PTPRD: variants seen among roughly 807,000 people sequenced by gnomAD.
PTPRD encodes protein tyrosine phosphatase receptor type D.
Under a neutral mutation model 214.5 loss-of-function variants are expected in PTPRD, and 34 were observed. The observed-to-expected ratio is 0.16, with a 90% CI of 0.12 to 0.21. PTPRD has a LOEUF of 0.21. Among genes scored for constraint, PTPRD ranks in the 10% least tolerant of loss-of-function variants. The pLI is 1.00. For missense variants in PTPRD, 2,545 were observed against 2,398.7 expected (o/e 1.06, Z -1.27); for synonymous variants, 1,128 against 845.7 (o/e 1.33, Z -5.79).
chr9:10,402,566 C>G (rs1484670550), intron 2 of PTPRD, among the ~76,000 whole-genome samples: 1 of 151,658 alleles, frequency 6.6e-6, no homozygotes, highest in African/African-American at 2.4e-5. Context: ...TTATTAACTA[C>G]AGTATACATG....
At chr9:8,941,030 G>A (rs779711780) in intron 11 of PTPRD, among the ~76,000 whole-genome samples, 3 of 152,068 alleles carry the variant, frequency 2.0e-5, no homozygotes, top group East Asian at 1.9e-4. Flanking sequence ...TCATGGCACA[G>A]CAGTAATAAC....
At chr9:10,103,639 G>A (rs1000883606) in intron 3 of PTPRD, among the ~76,000 whole-genome samples, 2 of 151,182 alleles carry the variant, frequency 1.3e-5, no homozygotes, top group Non-Finnish European at 3.0e-5. Context: ...AGGTCTGAGG[G>A]TTCATTGTCT....
At chr9:9,951,431 T>C (rs1003549824) in intron 4 of PTPRD, among the ~76,000 whole-genome samples, 2 of 152,202 alleles carry the variant, frequency 1.3e-5, no homozygotes, top group African/African-American at 2.4e-5. Flanking sequence ...ATGGCTCTTA[T>C]TGAAAAAATG....
intron 35 of PTPRD, among the ~76,000 whole-genome samples, chr9:8,429,593 G>C (rs2094912597): frequency 6.6e-6 from 1 of 152,126 alleles, no homozygotes; most frequent in Non-Finnish European, 1.5e-5. Flanking sequence ...CAGAAGGACA[G>C]GGCTCTGATA....
At chr9:8,715,592 A>G (rs141104431) in intron 12 of PTPRD, among the ~76,000 whole-genome samples, 147 of 152,318 alleles carry the variant, frequency 9.7e-4, no homozygotes, top group African/African-American at 3.4e-3. Context: ...TCTTCCCACC[A>G]CACCATATTT....
At chr9:9,864,593 A>T (rs1419558637) in intron 5 of PTPRD, among the ~76,000 whole-genome samples, 2 of 152,154 alleles carry the variant, frequency 1.3e-5, no homozygotes, top group African/African-American at 2.4e-5. Context: ...AACATGGCTC[A>T]CTGCAGCCTC....
intron 8 of PTPRD, among the ~76,000 whole-genome samples, chr9:9,433,438 C>T (rs2083996114): frequency 6.6e-6 from 1 of 152,140 alleles, no homozygotes; most frequent in Non-Finnish European, 1.5e-5. Flanking sequence ...AAGGCTTATA[C>T]ATGTAGGTCA....
intron 12 of PTPRD, among the ~76,000 whole-genome samples, chr9:8,689,968 C>T (rs2097769157): frequency 6.6e-6 from 1 of 151,918 alleles, no homozygotes; most frequent in Admixed American, 6.6e-5. Flanking sequence ...ATTAGCTGGG[C>T]ACAGTGGCAT....
chr9:9,827,322 G>T (rs567521991), intron 5 of PTPRD, among the ~76,000 whole-genome samples: 26 of 152,022 alleles, frequency 1.7e-4, no homozygotes, highest in Non-Finnish European at 2.8e-4. Context: ...TAGACCAATG[G>T]AACAGAACAG....
chr9:9,600,598 C>A (rs942033656), intron 7 of PTPRD, among the ~76,000 whole-genome samples: 3 of 152,048 alleles, frequency 2.0e-5, no homozygotes, highest in Admixed American at 2.0e-4. Flanking sequence ...TCTGTCAGCC[C>A]TATCTGACAA....
intron 5 of PTPRD, among the ~76,000 whole-genome samples, chr9:9,937,336 A>T (rs953593930): frequency 6.7e-6 from 1 of 149,722 alleles, no homozygotes; most frequent in Non-Finnish European, 1.5e-5. Context: ...ATTTTAATCC[A>T]ATTTCTAAAA....
chr9:10,344,032 A>T (rs902228569), intron 2 of PTPRD, among the ~76,000 whole-genome samples: 1 of 89,922 alleles, frequency 1.1e-5, no homozygotes, highest in African/African-American at 4.6e-5. Flanking sequence ...CTTTAGTTTA[A>T]TTAGATCCCA....
At chr9:8,698,730 G>A (rs753444056) in intron 12 of PTPRD, among the ~76,000 whole-genome samples, 4 of 152,056 alleles carry the variant, frequency 2.6e-5, no homozygotes, top group South Asian at 2.1e-4. Context: ...GAAATACTCC[G>A]GCATAATACA....
chr9:9,418,107 A>G (rs1223742617), intron 8 of PTPRD, among the ~76,000 whole-genome samples: 1 of 152,006 alleles, frequency 6.6e-6, no homozygotes, highest in Non-Finnish European at 1.5e-5. Flanking sequence ...TTCAACTTCA[A>G]TCCACATACA....
intron 7 of PTPRD, among the ~76,000 whole-genome samples, chr9:9,669,178 C>G (rs1301644699): frequency 6.6e-6 from 1 of 152,056 alleles, no homozygotes; most frequent in Non-Finnish European, 1.5e-5. Context: ...AATCATGCTG[C>G]TATAAAGACA....
At chr9:10,589,005 A>G (rs1273997700) in intron 2 of PTPRD, among the ~76,000 whole-genome samples, 1 of 152,072 alleles carries the variant, frequency 6.6e-6, no homozygotes, top group Non-Finnish European at 1.5e-5. Context: ...TTCGTCTCAC[A>G]AAAGAAGAAA....
rs568189593 is a variant in PTPRD at position 8,816,892 on chromosome 9, T to C, written c.-103-82946A>G. On this transcript the variant is annotated intron_variant, in intron 11 of 45. Coordinates refer to ENST00000381196, the MANE Select transcript of PTPRD (RefSeq NM_002839.4). ...TCTAAGGAATACAACAACAGAATTCTTGCATCTTGCTGAATCTTTTATTGT... is the reference window on the plus strand; with the variant it reads ...TCTAAGGAATACAACAACAGAATTCCTGCATCTTGCTGAATCTTTTATTGT... Among the ~76,000 whole-genome samples, 4 of 152,392 alleles carry C rather than the reference T, an allele frequency of 2.6e-5. No individual in the cohort carries two copies. In the South Asian group the frequency reaches 6.2e-4, roughly 24 times the overall value.
rs528525093 is a variant in PTPRD, at chr9:10,391,405, CAGA to C, written c.-599-50391_-599-50389del. 9.2e-5 allele frequency among the ~76,000 whole-genome samples: 14 copies of C among 151,806 alleles called. No homozygotes were observed. The South Asian group carries it at 2.1e-3, about 23-fold the overall frequency. On this transcript the variant is annotated intron_variant, in intron 2 of 45. Coordinates refer to ENST00000381196, the MANE Select transcript of PTPRD (RefSeq NM_002839.4). Reference sequence around the variant, plus strand: ...TTTCCGTTACATTCTTTATGCTCAACAGAAGAATAGCCTGTTGAGCATGGTCTA... The same window carrying C: ...TTTCCGTTACATTCTTTATGCTCAACAGAATAGCCTGTTGAGCATGGTCTA...
chr9:9,618,707 C>G (rs908916197), intron 7 of PTPRD, among the ~76,000 whole-genome samples: 2 of 152,048 alleles, frequency 1.3e-5, no homozygotes, highest in Admixed American at 6.6e-5. Context: ...ATACAAATAT[C>G]AAGTAGGTAT....
Sources: gnomAD v4.1 joint callset for allele counts (sites outside exome capture counted in the v4.1 genomes callset) on GRCh38, gnomAD v4.1.1 for gene constraint, MANE v1.5 for transcripts, NCBI Gene and HGNC (gene_info 2026-07-23, HGNC 2026-07-21) for gene names.